Variants in DPP6 observed in about 807,000 individuals in gnomAD.
DPP6 encodes dipeptidyl peptidase like 6.
A neutral mutation model predicts 122.6 loss-of-function variants in DPP6; 69 were observed. The observed-to-expected ratio is 0.56, with a 90% confidence interval of 0.46 to 0.69. The LOEUF (loss-of-function observed/expected upper bound fraction) is 0.69, where lower values mean the gene tolerates loss of function less well. DPP6 is among the 30% of genes least tolerant of loss of function. The pLI is 0.00. For missense variants in DPP6, 928 were observed against 1,116.9 expected, an observed-to-expected ratio of 0.83 and a Z score of 2.41; for synonymous variants, 418 against 433.1, an observed-to-expected ratio of 0.97 and a Z score of 0.43.
intron 5 of DPP6, among the ~76,000 whole-genome samples, chr7:154,625,456 A>G (rs1368375085): frequency 6.6e-6 from 1 of 152,220 alleles, no homozygotes; most frequent in African/African-American, 2.4e-5. Context: ...ATGCAAGCAT[A>G]GAGATATTTC....
chr7:154,003,068 G>C (rs1185931879), intron 1 of DPP6, among the ~76,000 whole-genome samples: 1 of 152,126 alleles, frequency 6.6e-6, no homozygotes, highest in East Asian at 1.9e-4. Context: ...TTCTTAAACA[G>C]GTTTTTAAGA....
chr7:153,782,109 G>A, the DPP6 span, among the ~76,000 whole-genome samples: 3 of 151,686 alleles, frequency 2.0e-5, no homozygotes, highest in African/African-American at 7.3e-5. Context: ...ACTCATTTAT[G>A]GGCATCATGC....
the DPP6 span, among the ~76,000 whole-genome samples, chr7:153,817,493 C>A: frequency 6.6e-6 from 1 of 150,984 alleles, no homozygotes; most frequent in Non-Finnish European, 1.5e-5. Flanking sequence ...ACACATGACA[C>A]AAACATCACA....
intron 1 of DPP6, among the ~76,000 whole-genome samples, chr7:154,015,815 A>G (rs550312394): frequency 1.3e-5 from 2 of 150,952 alleles, no homozygotes; most frequent in African/African-American, 4.9e-5. Context: ...CCCTGCTTCC[A>G]CTCCCCCTCC....
chr7:153,927,807 G>A (rs957408610), intron 1 of DPP6, among the ~76,000 whole-genome samples: 20 of 152,154 alleles, frequency 1.3e-4, no homozygotes, highest in African/African-American at 4.8e-4. Context: ...GGAGGGTGGG[G>A]CTTTCAGGTA....
intron 1 of DPP6, among the ~76,000 whole-genome samples, chr7:154,150,613 G>A (rs1410414441): frequency 6.6e-6 from 1 of 152,222 alleles, no homozygotes; most frequent in Non-Finnish European, 1.5e-5. Flanking sequence ...CTCAGCACGA[G>A]GGAGAAGAGA....
chr7:153,895,744 A>G (rs1445601455), intron 1 of DPP6, among the ~76,000 whole-genome samples: 1 of 152,058 alleles, frequency 6.6e-6, no homozygotes, highest in Non-Finnish European at 1.5e-5. Flanking sequence ...ACACACACAC[A>G]CACACACACA....
chr7:154,550,988 C>T (rs1334380004), intron 4 of DPP6, among the ~76,000 whole-genome samples: 1 of 151,956 alleles, frequency 6.6e-6, no homozygotes, highest in Admixed American at 6.6e-5. Flanking sequence ...CAGCTGGATC[C>T]AAGTTATATT....
chr7:154,279,065 G>A (rs754623938), intron 1 of DPP6, among the ~76,000 whole-genome samples: 6 of 151,802 alleles, frequency 4.0e-5, no homozygotes, highest in Non-Finnish European at 7.4e-5. Flanking sequence ...ATATATGTGT[G>A]TGTGCAGCTG....
At chr7:153,858,233 T>C in the DPP6 span, among the ~76,000 whole-genome samples, 19 of 152,306 alleles carry the variant, frequency 1.2e-4, no homozygotes, top group East Asian at 2.9e-3. Context: ...TGTAGATTTG[T>C]GGTAACCATA....
intron 1 of DPP6, among the ~76,000 whole-genome samples, chr7:153,973,948 A>G (rs1033123468): frequency 9.2e-5 from 14 of 151,634 alleles, no homozygotes; most frequent in Non-Finnish European, 1.5e-4. Context: ...GGCAATTTTA[A>G]AAGTTTTACC....
intron 9 of DPP6, among the ~76,000 whole-genome samples, chr7:154,769,885 C>G (rs966388581): frequency 6.6e-6 from 1 of 152,162 alleles, no homozygotes; most frequent in African/African-American, 2.4e-5. Context: ...TCTCACGCAT[C>G]TTATTTCTAC....
At chr7:154,350,133 C>A (rs1810725774) in intron 1 of DPP6, among the ~76,000 whole-genome samples, 1 of 152,126 alleles carries the variant, frequency 6.6e-6, no homozygotes, top group South Asian at 2.1e-4. Context: ...ACCCTGGTCA[C>A]CTCCCCTGGA....
At chr7:154,869,599 G>A (rs972082969) in intron 18 of DPP6, among the ~76,000 whole-genome samples, 34 of 152,262 alleles carry the variant, frequency 2.2e-4, no homozygotes, top group African/African-American at 7.5e-4. Context: ...TGGGTCTGGA[G>A]GCTGCCCTGG....
At chr7:154,265,188 T>C (rs1803339717) in intron 1 of DPP6, among the ~76,000 whole-genome samples, 2 of 152,046 alleles carry the variant, frequency 1.3e-5, no homozygotes, top group Admixed American at 1.3e-4. Context: ...ATAATGATAG[T>C]GATAGTGATG....
chr7:154,774,798 T>C (rs1796463161), intron 10 of DPP6, among the ~76,000 whole-genome samples: 2 of 152,174 alleles, frequency 1.3e-5, no homozygotes, highest in Non-Finnish European at 2.9e-5. Context: ...AAATGAACCA[T>C]GGAGTTCACA....
At chr7:154,765,247 G>C (rs182111005) in intron 8 of DPP6, among the ~76,000 whole-genome samples, 1 of 152,246 alleles carries the variant, frequency 6.6e-6, no homozygotes, top group African/African-American at 2.4e-5. Context: ...ACCTGAAGAG[G>C]TTTTGCAGAA....
chr7:153,972,756 C>CTT lies in DPP6; in HGVS notation c.51+85034_51+85035dup, dbSNP rs146471299. On this transcript the variant is annotated intron_variant, in intron 1 of 25. Transcript: ENST00000404039. The stretch of plus-strand genomic sequence containing the variant: ...ATGGTAGCAACTTAGTAAATTGCAA[C>CTT]TTTTTTTTTTTTTGGAATGAATTTG... Among the ~76,000 whole-genome samples, 1,222 of 145,000 alleles carry CTT rather than the reference C, an allele frequency of 8.4e-3. 11 individuals are homozygous for CTT. The highest frequency in any genetic ancestry group is 0.027 in the African/African-American group (1,042 of 39,098).
intron 3 of DPP6, among the ~76,000 whole-genome samples, chr7:154,524,967 A>AT (rs1827285392): frequency 6.6e-6 from 1 of 152,124 alleles, no homozygotes; most frequent in African/African-American, 2.4e-5. Flanking sequence ...TCCCTGGCTC[A>AT]TTTTGGGGAG....
Sources: gnomAD v4.1 joint callset for allele counts (sites outside exome capture counted in the v4.1 genomes callset) on GRCh38, gnomAD v4.1.1 for gene constraint, MANE v1.5 for transcripts, NCBI Gene and HGNC (gene_info 2026-07-23, HGNC 2026-07-21) for gene names.